MYRIP: variants seen among roughly 807,000 people sequenced by gnomAD.
MYRIP encodes the protein rab effector MyRIP.
MYRIP carries 49 observed loss-of-function variants against 98.0 expected under a neutral mutation model. The observed-to-expected ratio is 0.50, with a 90% CI of 0.40 to 0.63. MYRIP has a LOEUF of 0.63. MYRIP is among the 30% of genes least tolerant of loss of function. The probability of loss-of-function intolerance (pLI) is 0.00; values close to 1 mark genes in which losing one functional copy is unlikely to be tolerated. For synonymous variants in MYRIP, 404 were observed against 409.5 expected, an observed-to-expected ratio of 0.99 and a Z score of 0.16; for missense variants, 1,004 against 1,058.2, an observed-to-expected ratio of 0.95 and a Z score of 0.71.
chr3:39,906,445 A>G (rs7618607), intron 2 of MYRIP, among the ~76,000 whole-genome samples: 74,418 of 151,998 alleles, frequency 0.49, 19,322 homozygotes, highest in African/African-American at 0.67. Context: ...GTGTTCCTCC[A>G]TTTAGGAGAG....
At chr3:40,099,962 T>A in intron 3 of MYRIP, 1 of 981,254 alleles carries the variant, frequency 1.0e-6, no homozygotes, top group Non-Finnish European at 1.2e-6. Flanking sequence ...CGGCATTGGT[T>A]GTCTGAGATT....
chr3:40,029,914 A>C (rs1158440707), intron 2 of MYRIP, among the ~76,000 whole-genome samples: 1 of 151,878 alleles, frequency 6.6e-6, no homozygotes, highest in African/African-American at 2.4e-5. Flanking sequence ...TTATTTAAAA[A>C]ATTAGCCAGG....
chr3:40,023,415 C>G (rs925468931), intron 2 of MYRIP, among the ~76,000 whole-genome samples: 1 of 152,142 alleles, frequency 6.6e-6, no homozygotes, highest in Non-Finnish European at 1.5e-5. Flanking sequence ...ACCCAGAGAT[C>G]AGTAACCATG....
intron 1 of MYRIP, among the ~76,000 whole-genome samples, chr3:39,884,224 C>A (rs1410686834): frequency 6.6e-6 from 1 of 151,960 alleles, no homozygotes; most frequent in African/African-American, 2.4e-5. Context: ...CAAGCAAAAC[C>A]ACCCTTAAGA....
At chr3:40,088,070 C>A (rs1948664811) in intron 3 of MYRIP, among the ~76,000 whole-genome samples, 1 of 152,054 alleles carries the variant, frequency 6.6e-6, no homozygotes, top group Non-Finnish European at 1.5e-5. Flanking sequence ...CCATGAAGAA[C>A]AAGACCCAGG....
intron 11 of MYRIP, among the ~76,000 whole-genome samples, chr3:40,224,383 T>A (rs1164611499): frequency 6.7e-6 from 1 of 150,216 alleles, no homozygotes; most frequent in Non-Finnish European, 1.5e-5. Context: ...TATTAGGAAC[T>A]ATTGTCTGAG....
At position 40,034,742 on chromosome 3, in the gene MYRIP, T is replaced by C. The variant is rs554805251; in HGVS notation, c.111-9308T>C. ...TACTGGGTATATACCCAGAGGATTA[T>C]AAATCATGCTGCTATAAAGACACAT... On this transcript the variant is annotated intron_variant, in intron 2 of 16. Transcript: ENST00000302541. Among the ~76,000 whole-genome samples, 15 of 151,992 alleles carry C rather than the reference T, an allele frequency of 9.9e-5. 1 individual carries two copies. In the South Asian group the frequency reaches 3.1e-3, roughly 32 times the overall value.
chr3:39,998,615 A>G (rs1946431961), intron 2 of MYRIP, among the ~76,000 whole-genome samples: 1 of 152,216 alleles, frequency 6.6e-6, no homozygotes, highest in South Asian at 2.1e-4. Context: ...AAGGTAATTT[A>G]CAGATTCAAT....
At chr3:40,246,461 CAG>C (rs1953208875) in intron 13 of MYRIP, among the ~76,000 whole-genome samples, 1 of 152,144 alleles carries the variant, frequency 6.6e-6, no homozygotes, top group African/African-American at 2.4e-5. Context: ...TAAAAGTAAA[CAG>C]AAGAGAGGAA....
At chr3:40,130,425 G>A (rs578140256) in intron 3 of MYRIP, among the ~76,000 whole-genome samples, 21 of 148,486 alleles carry the variant, frequency 1.4e-4, no homozygotes, top group Non-Finnish European at 2.7e-4. Context: ...TGGCCCAGGC[G>A]GGAGTGCAGT....
At chr3:40,210,160 A>G (rs1238024866) in intron 11 of MYRIP, 67 bp downstream of exon 11, 2 of 1,541,270 alleles carry the variant, frequency 1.3e-6, no homozygotes, top group South Asian at 1.3e-5. Flanking sequence ...GAAAGATCCT[A>G]TATTGGTGCA....
intron 13 of MYRIP, chr3:40,248,317 C>T (rs1953267351): frequency 6.6e-6 from 1 of 152,194 alleles, no homozygotes; most frequent in Non-Finnish European, 1.5e-5. Flanking sequence ...CTGGAGAAAG[C>T]TTCTCTTAAC....
chr3:39,991,340 T>G (rs147985469), intron 2 of MYRIP, among the ~76,000 whole-genome samples: 207 of 152,306 alleles, frequency 1.4e-3, no homozygotes, highest in African/African-American at 4.7e-3. Context: ...CTCCAACTTC[T>G]CATTTCCAGA....
intron 2 of MYRIP, among the ~76,000 whole-genome samples, chr3:40,033,308 T>C (rs1947301892): frequency 1.3e-5 from 2 of 151,448 alleles, no homozygotes; most frequent in Admixed American, 1.3e-4. Flanking sequence ...CATGATTGTA[T>C]ATCTAGAAAA....
At chr3:40,094,662 C>T (rs1180082561) in intron 3 of MYRIP, among the ~76,000 whole-genome samples, 2 of 152,164 alleles carry the variant, frequency 1.3e-5, no homozygotes, top group Non-Finnish European at 2.9e-5. Context: ...TCCCATTCCC[C>T]TCTGTTTCAG....
At chr3:39,995,564 T>C (rs1167238672) in intron 2 of MYRIP, among the ~76,000 whole-genome samples, 1 of 152,232 alleles carries the variant, frequency 6.6e-6, no homozygotes, top group Non-Finnish European at 1.5e-5. Context: ...GTCTGATTGG[T>C]GTACTTGAAA....
intron 1 of MYRIP, among the ~76,000 whole-genome samples, chr3:39,813,188 G>T (rs1332860260): frequency 6.6e-6 from 1 of 152,222 alleles, no homozygotes; most frequent in Non-Finnish European, 1.5e-5. Flanking sequence ...GCTGAACCTG[G>T]AAGAATACAT....
At chr3:39,961,201 T>C (rs1945316022) in intron 2 of MYRIP, among the ~76,000 whole-genome samples, 1 of 152,098 alleles carries the variant, frequency 6.6e-6, no homozygotes, top group South Asian at 2.1e-4. Flanking sequence ...ACATGTTGTT[T>C]TTCAGGCAAT....
intron 2 of MYRIP, among the ~76,000 whole-genome samples, chr3:39,936,670 AGAAATATGCTTG>A (rs1455680193): frequency 1.3e-5 from 2 of 152,190 alleles, no homozygotes; most frequent in Non-Finnish European, 2.9e-5. Context: ...TACAGCATGC[AGAAATATGCTTG>A]CACCGTAATA....
Sources: gnomAD v4.1 joint callset for allele counts (sites outside exome capture counted in the v4.1 genomes callset) on GRCh38, gnomAD v4.1.1 for gene constraint, MANE v1.5 for transcripts, NCBI Gene and HGNC (gene_info 2026-07-23, HGNC 2026-07-21) for gene names.